Variants in MCC observed in about 807,000 individuals in gnomAD.
The protein encoded by MCC is colorectal mutant cancer protein.
Under a neutral mutation model 116.2 loss-of-function variants are expected in MCC, and 90 were observed. The observed-to-expected ratio is 0.77, with a 90% CI of 0.65 to 0.92. The LOEUF (loss-of-function observed/expected upper bound fraction) is 0.92, where lower values mean the gene tolerates loss of function less well. Among genes scored for constraint, MCC ranks in the 40% least tolerant of loss-of-function variants. MCC has a pLI of 0.00. For missense variants in MCC, 1,516 were observed against 1,312.2 expected, an observed-to-expected ratio of 1.16 and a Z score of -2.40; for synonymous variants, 578 against 510.5, an observed-to-expected ratio of 1.13 and a Z score of -1.78.
intron 16 of MCC, among the ~76,000 whole-genome samples, chr5:113,048,188 C>G: frequency 6.6e-6 from 1 of 152,200 alleles, no homozygotes; most frequent in East Asian, 1.9e-4. Flanking sequence ...ATAATAAATG[C>G]AGTCATTGGT....
At chr5:113,469,589 T>A (rs898401748) in intron 1 of MCC, among the ~76,000 whole-genome samples, 1 of 152,140 alleles carries the variant, frequency 6.6e-6, no homozygotes, top group Non-Finnish European at 1.5e-5. Flanking sequence ...TGCTGAGGAG[T>A]GCTTTACTTC....
At chr5:113,399,543 A>G (rs1337046085) in intron 1 of MCC, among the ~76,000 whole-genome samples, 1 of 152,232 alleles carries the variant, frequency 6.6e-6, no homozygotes, top group Non-Finnish European at 1.5e-5. Context: ...CTAAGTTATT[A>G]TTCTAAGTAA....
At chr5:113,419,773 A>G (rs1166892592) in intron 1 of MCC, among the ~76,000 whole-genome samples, 1 of 150,580 alleles carries the variant, frequency 6.6e-6, no homozygotes, top group East Asian at 1.9e-4. Flanking sequence ...TCTCAGGGAC[A>G]AAAAACCAAA....
At chr5:113,275,955 G>C (rs1765805221) in intron 3 of MCC, among the ~76,000 whole-genome samples, 2 of 148,400 alleles carry the variant, frequency 1.3e-5, no homozygotes, top group African/African-American at 2.5e-5. Flanking sequence ...TTCTAAAATT[G>C]ATTTCACTTG....
chr5:113,451,535 G>C (rs138606006), intron 1 of MCC, among the ~76,000 whole-genome samples: 1,877 of 152,316 alleles, frequency 0.012, 40 homozygotes, highest in African/African-American at 0.044. Context: ...GGGAGTTCAA[G>C]ACCAGCCTGA....
intron 1 of MCC, among the ~76,000 whole-genome samples, chr5:113,388,580 C>CAGAGG (rs1769328773): frequency 6.6e-6 from 1 of 152,130 alleles, no homozygotes; most frequent in Non-Finnish European, 1.5e-5. Flanking sequence ...ACACCTCCTC[C>CAGAGG]CCCACCTTGC....
rs143985819 is a variant in MCC, at chr5:113,162,665, TTTG to T, written c.628-11246_628-11244del. Among the ~76,000 whole-genome samples, 923 of 151,838 alleles carry T rather than the reference TTTG, an allele frequency of 6.1e-3. 12 individuals carry two copies. Among genetic ancestry groups the T allele is most frequent in the African/African-American group, 0.02 (822 of 41,378 alleles). Reference sequence around the variant, plus strand: ...TCAGGCACCACCACGTCCAACTAATTTTGTTGTTGTTGTTGTAGAGATGGGGTA... The same window carrying T: ...TCAGGCACCACCACGTCCAACTAATTTTGTTGTTGTTGTAGAGATGGGGTA... On this transcript the variant is annotated intron_variant, in intron 3 of 18. Coordinates refer to ENST00000408903, the MANE Select transcript of MCC (RefSeq NM_001085377.2).
At chr5:113,109,482 G>T (rs78283307) in intron 6 of MCC, among the ~76,000 whole-genome samples, 3 of 152,076 alleles carry the variant, frequency 2.0e-5, no homozygotes, top group East Asian at 3.9e-4. Context: ...AAAGTTTACC[G>T]GGGTGGGGGT....
rs1201938206 is a variant in MCC at position 113,027,461 on chromosome 5, C to T, written c.2901G>A (p.Glu967=). The change falls in exon 19 of 19, where the codon GAG becomes GAA. Residue 967 remains glutamate, a synonymous_variant. Transcript: ENST00000408903. The part of the protein sequence containing the change: ...RANSNLVAAY[E]KAKKKHQNKL... Reference sequence around the variant, plus strand: ...TGTTTTGATGCTTTTTCTTTGCTTTCTCATAGGCAGCCACCAGGTTGCTAG... The same window carrying T: ...TGTTTTGATGCTTTTTCTTTGCTTTTTCATAGGCAGCCACCAGGTTGCTAG... The T allele has an allele frequency of 1.9e-6, 3 of 1,614,052 alleles. No homozygotes were observed. Among genetic ancestry groups the T allele is most frequent in the Non-Finnish European group, 2.5e-6 (3 of 1,180,034 alleles).
chr5:113,227,978 G>C (rs73244758), intron 3 of MCC, among the ~76,000 whole-genome samples: 2,220 of 152,248 alleles, frequency 0.015, 67 homozygotes, highest in African/African-American at 0.051. Flanking sequence ...GTCAAACCCA[G>C]GTATTACATA....
chr5:113,412,339 T>C (rs961863667), intron 1 of MCC, among the ~76,000 whole-genome samples: 3 of 152,222 alleles, frequency 2.0e-5, no homozygotes, highest in Non-Finnish European at 2.9e-5. Flanking sequence ...GGGGATGGCA[T>C]TGAATCTATA....
rs780136004 is a variant in MCC at position 113,488,438 on chromosome 5, A to AGGAGTACGCGCGACCGCAGCT, written c.-25_-24insAGCTGCGGTCGCGCGTACTCC. ...ATGCGCCCGCTCCCTACTTGGGAGG[A>AGGAGTACGCGCGACCGCAGCT]GGAGTACGCGCGACCGCAGCTGGAA... is the stretch of plus-strand genomic sequence containing the variant. On this transcript the variant is annotated 5_prime_UTR_variant, in exon 1 of 19. Coordinates refer to ENST00000408903, the MANE Select transcript of MCC (RefSeq NM_001085377.2). 3.2e-5 allele frequency: 45 copies of AGGAGTACGCGCGACCGCAGCT among 1,396,972 alleles called. 1 individual carries two copies. Among genetic ancestry groups the AGGAGTACGCGCGACCGCAGCT allele is most frequent in the Non-Finnish European group, 3.9e-5 (43 of 1,089,844 alleles). The allele number at this position is 1,396,972 out of a possible 1,614,324, so 86.5% of individuals were successfully genotyped here.
chr5:113,402,061 G>A (rs548175102), intron 1 of MCC, among the ~76,000 whole-genome samples: 5 of 151,892 alleles, frequency 3.3e-5, no homozygotes, highest in East Asian at 1.9e-4. Flanking sequence ...TTGGGAGGCC[G>A]AGGCGGGTGG....
At chr5:113,339,438 T>TGTGTGC (rs145838279) in intron 3 of MCC, among the ~76,000 whole-genome samples, 10,205 of 149,514 alleles carry the variant, frequency 0.068, 504 homozygotes, top group African/African-American at 0.13. Context: ...TGTGTGTGTG[T>TGTGTGC]GCGTGCATGT....
intron 1 of MCC, among the ~76,000 whole-genome samples, chr5:113,449,371 A>C (rs1337920724): frequency 6.6e-6 from 1 of 152,234 alleles, no homozygotes; most frequent in Non-Finnish European, 1.5e-5. Flanking sequence ...TGGGGAAAGG[A>C]AGAAAGAAAA....
chr5:113,160,359 G>A (rs935161), intron 3 of MCC, among the ~76,000 whole-genome samples: 147,625 of 152,340 alleles, frequency 0.97, 71,695 homozygotes, highest in East Asian at 1. Flanking sequence ...ATGTCCCATC[G>A]TAATTTTTAC....
chr5:113,336,639 G>A (rs1372753687), intron 3 of MCC, among the ~76,000 whole-genome samples: 1 of 152,188 alleles, frequency 6.6e-6, no homozygotes, highest in Non-Finnish European at 1.5e-5. Context: ...ACTAGACACA[G>A]AACCAATAGT....
intron 3 of MCC, among the ~76,000 whole-genome samples, chr5:113,337,080 C>T (rs868487815): frequency 6.6e-6 from 1 of 152,286 alleles, no homozygotes; most frequent in Middle Eastern, 3.4e-3. Context: ...TGGAGGGACA[C>T]TGTAGGAAGA....
At chr5:113,081,517 A>C (rs1463838020) in intron 11 of MCC, among the ~76,000 whole-genome samples, 1 of 152,174 alleles carries the variant, frequency 6.6e-6, no homozygotes, top group African/African-American at 2.4e-5. Context: ...GCCCTATTCA[A>C]GGTCAGCCAC....
Sources: allele counts gnomAD v4.1 joint callset (sites outside exome capture counted in the v4.1 genomes callset), GRCh38; gene constraint gnomAD v4.1.1; transcripts MANE v1.5; gene names NCBI Gene and HGNC (gene_info 2026-07-23, HGNC 2026-07-21).